The following RAP1GAP2 variants were observed in gnomAD, a reference collection of about 807,000 sequenced individuals.
The protein encoded by RAP1GAP2 is RAP1 GTPase activating protein 2, also known as rap1 GTPase-activating protein 2.
Under a neutral mutation model 95.0 loss-of-function variants are expected in RAP1GAP2, and 27 were observed. The ratio of observed to expected loss-of-function variants is 0.28; its 90% confidence interval spans 0.21 to 0.39. The LOEUF (loss-of-function observed/expected upper bound fraction) is 0.39, where lower values mean the gene tolerates loss of function less well. Among genes scored for constraint, RAP1GAP2 ranks in the 10% least tolerant of loss-of-function variants. The probability of loss-of-function intolerance (pLI) is 1.00; values close to 1 mark genes in which losing one functional copy is unlikely to be tolerated. For synonymous variants in RAP1GAP2, 373 were observed against 380.9 expected (o/e 0.98, Z 0.24); for missense variants, 771 against 970.0 (o/e 0.79, Z 2.72).
rs756244402 is a variant in RAP1GAP2 at position 3,036,768 on chromosome 17, C to T, written c.*3407C>T. 6 of 152,572 alleles carry T rather than the reference C, an allele frequency of 3.9e-5. No individual in the cohort carries two copies. The highest frequency in any genetic ancestry group is 4.8e-5 in the African/African-American group (2 of 41,422). The allele number at this position is 152,572 out of a possible 1,614,324, so 9.5% of individuals were successfully genotyped here. A position where few individuals can be genotyped will look rare whatever the true frequency, so the allele number is the denominator to read the frequency against. ...TCTTCATTTCTCCCTGATTCTTAAA[C>T]GAAGGTGGTTAATAGAAACTCAGGC... On this transcript the variant is annotated 3_prime_UTR_variant, in exon 25 of 25. Transcript: ENST00000254695.
chr17:2,905,206 C>A, intron 2 of RAP1GAP2, 78 bp from the exon 3 acceptor site: 3 of 1,370,600 alleles, frequency 2.2e-6, no homozygotes, highest in Non-Finnish European at 3.1e-6. Context: ...AAACTGTGTC[C>A]GAGAGCCCAG....
intron 2 of RAP1GAP2, among the ~76,000 whole-genome samples, chr17:2,828,307 C>T (rs943237542): frequency 6.6e-5 from 10 of 151,580 alleles, no homozygotes; most frequent in African/African-American, 2.2e-4. Context: ...CGCCATTGCA[C>T]TCCAACCTGG....
intron 3 of RAP1GAP2, among the ~76,000 whole-genome samples, chr17:2,927,476 G>A (rs192515248): frequency 2.0e-5 from 3 of 152,284 alleles, no homozygotes; most frequent in South Asian, 4.1e-4. Context: ...TCACACCGCC[G>A]TCTCTCGGAT....
At chr17:2,771,499 GT>G (rs397976670) in intron 2 of RAP1GAP2, among the ~76,000 whole-genome samples, 16 of 124,762 alleles carry the variant, frequency 1.3e-4, no homozygotes, top group South Asian at 7.5e-4. Context: ...TTTTTTTTTT[GT>G]TTTTTTTTTT....
At chr17:2,869,780 A>G (rs772963241) in intron 2 of RAP1GAP2, among the ~76,000 whole-genome samples, 2 of 152,080 alleles carry the variant, frequency 1.3e-5, no homozygotes, top group Non-Finnish European at 2.9e-5. Context: ...TCATCCTGAC[A>G]TTTCCCTTTC....
chr17:2,878,908 A>G (rs2073189156), intron 2 of RAP1GAP2, among the ~76,000 whole-genome samples: 1 of 152,212 alleles, frequency 6.6e-6, no homozygotes, highest in South Asian at 2.1e-4. Flanking sequence ...TGATGGGGTA[A>G]TAATAGTGCC....
chr17:2,911,260 A>ATTTTTTTTT (rs34227127), intron 3 of RAP1GAP2, among the ~76,000 whole-genome samples: 1 of 132,032 alleles, frequency 7.6e-6, no homozygotes, highest in African/African-American at 3.0e-5. Context: ...TTTGAAGGGG[A>ATTTTTTTTT]TTTTTTTTTT....
At chr17:2,842,525 G>A (rs140591169) in intron 2 of RAP1GAP2, among the ~76,000 whole-genome samples, 5,591 of 110,634 alleles carry the variant, frequency 0.051, 207 homozygotes, top group African/African-American at 0.13. Context: ...GCGAGATTCC[G>A]TCTCAAAAAA....
chr17:3,021,218 A>C (rs1337430974), intron 19 of RAP1GAP2, among the ~76,000 whole-genome samples: 1 of 152,142 alleles, frequency 6.6e-6, no homozygotes, highest in African/African-American at 2.4e-5. Context: ...GCTATGTAAT[A>C]CATTATTATC....
rs555190823 is a variant in RAP1GAP2, at chr17:2,882,807, T to A, written c.81-22477T>A. ...AGTTAGGGAGGTGGCGAGGACTTTG[T>A]GATACCATGGAGGCCACGGGTGAGG... On this transcript the variant is annotated intron_variant, in intron 2 of 24. Transcript: ENST00000254695. 2.1e-4 allele frequency among the ~76,000 whole-genome samples: 32 copies of A among 152,282 alleles called. No individual in the cohort carries two copies. The South Asian group carries it at 6.6e-3, about 32-fold the overall frequency.
At chr17:2,828,983 G>GT in intron 2 of RAP1GAP2, among the ~76,000 whole-genome samples, 1 of 40,494 alleles carries the variant, frequency 2.5e-5, no homozygotes, top group Non-Finnish European at 5.5e-5. Context: ...TTAATTACTT[G>GT]CTTTTTTTTT....
At chr17:2,860,265 C>T (rs1297913682) in intron 2 of RAP1GAP2, among the ~76,000 whole-genome samples, 2 of 152,152 alleles carry the variant, frequency 1.3e-5, no homozygotes, top group Non-Finnish European at 2.9e-5. Context: ...GGCCTGTCTC[C>T]TGTCCTCTTC....
chr17:2,799,122 C>T (rs143089778), intron 1 of RAP1GAP2, among the ~76,000 whole-genome samples: 10 of 152,202 alleles, frequency 6.6e-5, no homozygotes, highest in South Asian at 2.1e-4. Flanking sequence ...GGCTGCCATC[C>T]GGCAGCTCTG....
intron 3 of RAP1GAP2, among the ~76,000 whole-genome samples, chr17:2,945,505 C>T (rs1309774058): frequency 2.0e-5 from 3 of 151,976 alleles, no homozygotes; most frequent in African/African-American, 4.8e-5. Flanking sequence ...ACTTTTAGTA[C>T]ACCCAATGGT....
chr17:2,984,836 TTCTC>T, intron 10 of RAP1GAP2, 143 bp from the exon 11 acceptor site: 17 of 1,414,096 alleles, frequency 1.2e-5, no homozygotes, highest in Non-Finnish European at 1.6e-5. Flanking sequence ...TACTTATTAT[TTCTC>T]TCTCTCTCCC....
At chr17:2,774,359 C>T (rs925730304), upstream of RAP1GAP2, among the ~76,000 whole-genome samples, 6 of 152,100 alleles carry the variant, frequency 3.9e-5, no homozygotes, top group Admixed American at 6.5e-5. Context: ...GATTGAATGC[C>T]GTTCCTCTGC....
In RAP1GAP2 at chr17:3,037,364, A is replaced by AGCC. The variant is rs776881618; in HGVS notation, c.*4003_*4004insGCC. 3.4e-5 allele frequency: 1 copy of AGCC among 29,684 alleles called. No homozygotes were observed. The highest frequency in any genetic ancestry group is 9.8e-5 in the Non-Finnish European group (1 of 10,174). The allele number at this position is 29,684 out of a possible 1,614,324, so 1.8% of individuals were successfully genotyped here. On this transcript the variant is annotated 3_prime_UTR_variant, in exon 25 of 25. Transcript: ENST00000254695. ...ACATTTCTGCTTGGAAGTGTGAACTACCCCCCCCCCCCCGCTTCCTGCTCC... is the reference window on the plus strand; with the variant it reads ...ACATTTCTGCTTGGAAGTGTGAACTAGCCCCCCCCCCCCCCCGCTTCCTGCTCC...
intron 2 of RAP1GAP2, among the ~76,000 whole-genome samples, chr17:2,885,817 C>T (rs532833400): frequency 6.6e-6 from 1 of 152,356 alleles, no homozygotes; most frequent in African/African-American, 2.4e-5. Flanking sequence ...GGCGAGGCCA[C>T]CCTCATGCCT....
chr17:3,001,625 G>T (rs996773497), intron 14 of RAP1GAP2, among the ~76,000 whole-genome samples: 5 of 147,890 alleles, frequency 3.4e-5, no homozygotes, highest in African/African-American at 2.6e-5. Flanking sequence ...TGCCGGAGAA[G>T]GGATAGAAGA....
Sources: gnomAD v4.1 joint callset for allele counts (sites outside exome capture counted in the v4.1 genomes callset) on GRCh38, gnomAD v4.1.1 for gene constraint, MANE v1.5 for transcripts, NCBI Gene and HGNC (gene_info 2026-07-23, HGNC 2026-07-21) for gene names.